Variants in COQ2 observed in about 807,000 individuals in gnomAD.
COQ2 encodes the protein 4-hydroxybenzoate polyprenyltransferase, mitochondrial.
In COQ2, 25 loss-of-function variants were observed where a neutral mutation model predicts 35.7. The ratio of observed to expected loss-of-function variants is 0.70; its 90% confidence interval spans 0.51 to 0.98. The LOEUF (loss-of-function observed/expected upper bound fraction) is 0.98. COQ2 is among the 50% of genes least tolerant of loss of function. The pLI, the probability that COQ2 is intolerant of heterozygous loss-of-function variation, is 0.00. For missense variants in COQ2, 488 were observed against 473.5 expected, an observed-to-expected ratio of 1.03 and a Z score of -0.28; for synonymous variants, 206 against 186.2, an observed-to-expected ratio of 1.11 and a Z score of -0.86.
chr4:83,280,082 G>C (rs114217726), intron 1 of COQ2, among the ~76,000 whole-genome samples: 2 of 151,832 alleles, frequency 1.3e-5, no homozygotes, highest in African/African-American at 4.8e-5. Context: ...GTCCCACCTT[G>C]GCCTCCCAAA....
At chr4:83,276,026 TTTTATATA>T (rs1735162220) in intron 2 of COQ2, among the ~76,000 whole-genome samples, 1 of 19,098 alleles carries the variant, frequency 5.2e-5, no homozygotes, top group African/African-American at 9.7e-5. Flanking sequence ...TAATATATAT[TTTTATATA>T]ATATATAAAA....
In COQ2 at chr4:83,281,752, C is replaced by T. The variant is rs1441037055; in HGVS notation, c.254-2638G>A. 2.0e-5 allele frequency among the ~76,000 whole-genome samples: 3 copies of T among 152,154 alleles called. No homozygotes were observed. The East Asian group carries it at 5.8e-4, about 29-fold the overall frequency. The stretch of plus-strand genomic sequence containing the variant: ...TATTCGATAGGCACTATTTTTATTA[C>T]AACCATTTTACAAATACAGAAACTG... On this transcript the variant is annotated intron_variant, in intron 1 of 6. Coordinates refer to ENST00000647002, the MANE Select transcript of COQ2 (RefSeq NM_001358921.2).
intron 5 of COQ2, 58 bp downstream of exon 5, chr4:83,269,802 T>A: frequency 7.3e-7 from 1 of 1,363,528 alleles, no homozygotes; most frequent in East Asian, 2.7e-5. Context: ...TCTCCTTAAT[T>A]TGGTTCTTTA....
intron 4 of COQ2, among the ~76,000 whole-genome samples, chr4:83,271,204 A>G (rs1323184169): frequency 6.6e-6 from 1 of 152,198 alleles, no homozygotes; most frequent in Non-Finnish European, 1.5e-5. Context: ...CAATACCTAC[A>G]CCGCACCAAG....
chr4:83,282,605 T>C, intron 1 of COQ2: 1 of 856,876 alleles, frequency 1.2e-6, no homozygotes, highest in South Asian at 5.3e-5. Context: ...TTTTCTCCAT[T>C]CCCCACTTCT....
chr4:83,267,745 A>C lies in COQ2; in HGVS notation c.792T>G (p.Leu264=), dbSNP rs1328181136. 6.4e-7 allele frequency: 1 copy of C among 1,550,736 alleles called. No individual in the cohort carries two copies. Among genetic ancestry groups the C allele is most frequent in the East Asian group, 2.4e-5 (1 of 40,920 alleles). Residue 264 remains leucine (L), a synonymous_variant, in exon 6 of 7, where the codon CTT becomes CTG. Coordinates refer to ENST00000647002, the MANE Select transcript of COQ2 (RefSeq NM_001358921.2). ...QDKRDDVLIG[L]KSTALRFGEN... is the part of the protein sequence containing the mutation. Reference sequence around the variant, plus strand: ...CTCCGAACCGCAGAGCCGTTGACTTAAGACCAATCAAAACATCATCTCTTT... The same window carrying C: ...CTCCGAACCGCAGAGCCGTTGACTTCAGACCAATCAAAACATCATCTCTTT...
intron 5 of COQ2, 129 bp downstream of exon 5, chr4:83,269,731 C>A: frequency 1.2e-6 from 1 of 845,446 alleles, no homozygotes; most frequent in East Asian, 3.3e-5. Flanking sequence ...AAAATTCTTC[C>A]TCCTTAATTT....
chr4:83,283,760 C>A (rs1416135862), intron 1 of COQ2: 2 of 985,302 alleles, frequency 2.0e-6, no homozygotes, highest in South Asian at 4.7e-5. Flanking sequence ...AGAAGCCAAT[C>A]AATCAACAAG....
intron 1 of COQ2, among the ~76,000 whole-genome samples, chr4:83,279,723 C>T (rs1277915748): frequency 4.6e-5 from 7 of 152,036 alleles, no homozygotes; most frequent in Non-Finnish European, 1.5e-5. Context: ...GGACAGGAGA[C>T]AGGAGTAAGA....
intron 2 of COQ2, among the ~76,000 whole-genome samples, chr4:83,274,210 A>C (rs904051727): frequency 2.6e-5 from 4 of 152,090 alleles, no homozygotes; most frequent in African/African-American, 9.7e-5. Flanking sequence ...TAGCTATAAC[A>C]TGTTCAATTT....
intron 6 of COQ2, among the ~76,000 whole-genome samples, chr4:83,265,712 G>A (rs1734901615): frequency 6.6e-6 from 1 of 152,094 alleles, no homozygotes; most frequent in Non-Finnish European, 1.5e-5. Flanking sequence ...CACCCAGGCT[G>A]GAGTGCAGTG....
At chr4:83,272,319 C>T (rs923700677) in intron 3 of COQ2, 147 bp from the exon 4 acceptor site, 45 of 470,300 alleles carry the variant, frequency 9.6e-5, no homozygotes, top group Admixed American at 1.9e-4. Flanking sequence ...TCCTAGCCTT[C>T]GACTTTCCCT....
chr4:83,284,066 G>A (rs1255154831), intron 1 of COQ2: 1 of 985,464 alleles, frequency 1.0e-6, no homozygotes, highest in Admixed American at 6.1e-5. Context: ...ACTGTCTTAA[G>A]GATTGTCTTT....
At chr4:83,267,516 C>A in intron 6 of COQ2, 70 bp downstream of exon 6, 1 of 1,363,916 alleles carries the variant, frequency 7.3e-7, no homozygotes, top group Non-Finnish European at 9.9e-7. Flanking sequence ...ACACAGAGGG[C>A]ATACTGTTTA....
At chr4:83,272,915 A>G (rs1735082022) in intron 3 of COQ2, among the ~76,000 whole-genome samples, 2 of 152,200 alleles carry the variant, frequency 1.3e-5, no homozygotes, top group Admixed American at 6.5e-5. Flanking sequence ...AGGGCAAGGC[A>G]CGCAATTAAG....
chr4:83,272,155 C>G lies in COQ2; in HGVS notation c.560G>C (p.Gly187Ala), dbSNP rs757278568. The G allele has an allele frequency of 1.9e-6, 3 of 1,609,748 alleles. No individual in the cohort carries two copies. The highest frequency in any genetic ancestry group is 2.2e-5 in the South Asian group (2 of 90,160). Residue 187 changes from glycine (G) to alanine (A), a missense_variant, in exon 4 of 7, where the codon GGA becomes GCA. By Grantham distance (60) the Gly-to-Ala change is moderately conservative. Transcript: ENST00000647002. ...GTAGGTGATGACAAGAAGTAAGGAT[C>G]CTGCTCCCAGAGCTATACTGAAAAG... is the stretch of plus-strand genomic sequence containing the variant. ...LNYYSIALGA[G>A]SLLLVITYPL...
intron 3 of COQ2, among the ~76,000 whole-genome samples, chr4:83,273,094 C>T (rs947760592): frequency 6.6e-6 from 1 of 152,218 alleles, no homozygotes; most frequent in Admixed American, 6.5e-5. Context: ...CTGGGAAAGA[C>T]ATAGTTCCTC....
At chr4:83,284,988 A>AC, upstream of COQ2, 1 of 1,063,298 alleles carries the variant, frequency 9.4e-7, no homozygotes, top group Non-Finnish European at 1.3e-6. Context: ...AAAAATTACA[A>AC]TAAATTTAGT....
chr4:83,281,963 T>A (rs1022089353), intron 1 of COQ2, among the ~76,000 whole-genome samples: 1 of 142,184 alleles, frequency 7.0e-6, no homozygotes, highest in Non-Finnish European at 1.5e-5. Context: ...CTAGCAATGT[T>A]TTTTTTTTTT....
Sources: gnomAD v4.1 joint callset for allele counts (sites outside exome capture counted in the v4.1 genomes callset) on GRCh38, gnomAD v4.1.1 for gene constraint, MANE v1.5 for transcripts, NCBI Gene and HGNC (gene_info 2026-07-23, HGNC 2026-07-21) for gene names.